The following CDH4 variants were observed in gnomAD, a reference collection of about 807,000 sequenced individuals.
CDH4 encodes the protein cadherin 4, also known as cadherin-4.
Under a neutral mutation model 86.0 loss-of-function variants are expected in CDH4, and 33 were observed. The ratio of observed to expected loss-of-function variants is 0.38; its 90% confidence interval spans 0.29 to 0.51. The LOEUF (loss-of-function observed/expected upper bound fraction) is 0.51, where lower values mean the gene tolerates loss of function less well. CDH4 is among the 20% of genes least tolerant of loss of function. CDH4 has a pLI of 0.86. For missense variants in CDH4, 1,114 were observed against 1,307.4 expected (o/e 0.85, Z 2.28); for synonymous variants, 555 against 549.4 (o/e 1.01, Z -0.14).
At chr20:61,791,720 G>A (rs958431191) in intron 4 of CDH4, among the ~76,000 whole-genome samples, 2 of 152,204 alleles carry the variant, frequency 1.3e-5, no homozygotes, top group Non-Finnish European at 1.5e-5. Flanking sequence ...TAGATGGGAC[G>A]TGCCAGCCAA....
At chr20:61,899,226 C>T (rs918720608) in intron 8 of CDH4, among the ~76,000 whole-genome samples, 2 of 151,626 alleles carry the variant, frequency 1.3e-5, no homozygotes, top group Non-Finnish European at 2.9e-5. Context: ...ACTGCTTGAA[C>T]CTGGGAGGTG....
chr20:61,367,947 T>C (rs1774743495), intron 2 of CDH4, among the ~76,000 whole-genome samples: 1 of 147,376 alleles, frequency 6.8e-6, no homozygotes, highest in African/African-American at 2.5e-5. Context: ...CTTGGCTCAC[T>C]GCAACCTCTG....
At chr20:61,827,190 C>G (rs1350456494) in intron 4 of CDH4, among the ~76,000 whole-genome samples, 1 of 151,954 alleles carries the variant, frequency 6.6e-6, no homozygotes, top group African/African-American at 2.4e-5. Flanking sequence ...ACAAAGCAAG[C>G]CCTGAAAATC....
chr20:61,406,028 T>C (rs73148268), intron 2 of CDH4, among the ~76,000 whole-genome samples: 6,912 of 152,316 alleles, frequency 0.045, 212 homozygotes, highest in Middle Eastern at 0.1. Flanking sequence ...CCTCTATAGA[T>C]CATAACTGTC....
intron 2 of CDH4, among the ~76,000 whole-genome samples, chr20:61,693,756 G>A (rs913238118): frequency 2.0e-5 from 3 of 152,174 alleles, no homozygotes; most frequent in African/African-American, 4.8e-5. Context: ...GAGCATGCAT[G>A]GAATCGAACA....
At chr20:61,649,053 C>A (rs1485819462) in intron 2 of CDH4, among the ~76,000 whole-genome samples, 1 of 152,198 alleles carries the variant, frequency 6.6e-6, no homozygotes, top group Non-Finnish European at 1.5e-5. Context: ...CGTTTATTTT[C>A]TAGTGATTTC....
chr20:61,499,316 C>T (rs867061599), intron 2 of CDH4: 6 of 505,258 alleles, frequency 1.2e-5, no homozygotes, highest in African/African-American at 8.0e-5. Flanking sequence ...TGGCCAGGTA[C>T]TTTCATCCCC....
rs762582004 is a variant in CDH4 at position 61,914,506 on chromosome 20, G to A, written c.1374+3899G>A. Among the ~76,000 whole-genome samples the A allele has an allele frequency of 7.8e-4, 117 of 149,120 alleles. 1 individual carries two copies. Among genetic ancestry groups the A allele is most frequent in the Non-Finnish European group, 6.5e-4 (44 of 67,976 alleles). ...TCTTCCCGGGTGCGGGCTCAGCCTC[G>A]GCAGAATAACCCTGGAATCAACGGA... On this transcript the variant is annotated intron_variant, in intron 9 of 15. Transcript: ENST00000614565.
chr20:61,814,877 C>A (rs1980634316), intron 4 of CDH4, among the ~76,000 whole-genome samples: 1 of 152,198 alleles, frequency 6.6e-6, no homozygotes, highest in African/African-American at 2.4e-5. Context: ...CTGCAAGGTG[C>A]TGAGGCCCAG....
chr20:61,640,577 AAAAT>A (rs1458737929), intron 2 of CDH4, among the ~76,000 whole-genome samples: 2 of 152,196 alleles, frequency 1.3e-5, no homozygotes, highest in African/African-American at 4.8e-5. Flanking sequence ...GAGACAGGTA[AAAAT>A]AAATCTGTAG....
rs575596500 is a variant in CDH4, at chr20:61,392,576, A to G, written c.169+137639A>G. ...GTAGTTTCAAAAGTTCATTAAACTC[A>G]AGAGATTAAATATTGCCCTGAGCAG... On this transcript the variant is annotated intron_variant, in intron 2 of 15. Transcript: ENST00000614565. The surrounding 1 kb of genome is among the most constrained non-coding windows in gnomAD (Gnocchi z 5.7). Among the ~76,000 whole-genome samples, 2 of 152,302 alleles carry G rather than the reference A, an allele frequency of 1.3e-5. No homozygotes were observed. Among genetic ancestry groups the G allele is most frequent in the East Asian group, 3.9e-4 (2 of 5,176 alleles).
intron 2 of CDH4, among the ~76,000 whole-genome samples, chr20:61,634,380 C>G (rs1165499447): frequency 6.6e-6 from 1 of 152,208 alleles, no homozygotes; most frequent in Non-Finnish European, 1.5e-5. Flanking sequence ...GGGTAGGTGC[C>G]TAACACCACG....
chr20:61,270,059 C>T (rs1334050952), intron 2 of CDH4, among the ~76,000 whole-genome samples: 1 of 152,170 alleles, frequency 6.6e-6, no homozygotes, highest in Non-Finnish European at 1.5e-5. Flanking sequence ...ATGGTCTTTA[C>T]ATTTCTTATG....
In CDH4 at chr20:61,614,025, G is replaced by A. The variant is rs1311552790; in HGVS notation, c.170-129538G>A. ...TGCAGAGGCAGGTGGGTGTATGAGA[G>A]GAGAGGTGGCAGGGACGGACGTGTG... On this transcript the variant is annotated intron_variant, in intron 2 of 15. Coordinates refer to ENST00000614565, the MANE Select transcript of CDH4 (RefSeq NM_001794.5). Among the ~76,000 whole-genome samples the A allele has an allele frequency of 2.0e-5, 3 of 152,146 alleles. 1 individual carries two copies. Among genetic ancestry groups the A allele is most frequent in the Admixed American group, 1.3e-4 (2 of 15,288 alleles).
intron 5 of CDH4, among the ~76,000 whole-genome samples, chr20:61,846,058 G>A (rs913931704): frequency 2.6e-5 from 4 of 152,234 alleles, no homozygotes; most frequent in East Asian, 3.9e-4. Context: ...GGAGAAGATC[G>A]GTTTTGCTGT....
At chr20:61,705,992 C>G (rs988204013) in intron 2 of CDH4, among the ~76,000 whole-genome samples, 2 of 152,218 alleles carry the variant, frequency 1.3e-5, no homozygotes, top group African/African-American at 2.4e-5. Context: ...ATTTCTCCCC[C>G]ACGGGTGCTG....
At chr20:61,376,823 C>T (rs1410846314) in intron 2 of CDH4, among the ~76,000 whole-genome samples, 2 of 152,206 alleles carry the variant, frequency 1.3e-5, no homozygotes, top group African/African-American at 4.8e-5. Flanking sequence ...GGCCGGTGGC[C>T]AAGATCATTG....
intron 2 of CDH4, among the ~76,000 whole-genome samples, chr20:61,677,482 G>T (rs1184624345): frequency 6.6e-6 from 1 of 152,174 alleles, no homozygotes; most frequent in African/African-American, 2.4e-5. Flanking sequence ...TCAATGTATA[G>T]ACCTGACGAT....
intron 2 of CDH4, among the ~76,000 whole-genome samples, chr20:61,618,111 C>T (rs144439974): frequency 8.5e-5 from 13 of 152,214 alleles, no homozygotes; most frequent in African/African-American, 1.9e-4. Flanking sequence ...TACCCAGTCT[C>T]GGGCAGGCCT....
Sources: gnomAD v4.1 joint callset for allele counts (sites outside exome capture counted in the v4.1 genomes callset) on GRCh38, gnomAD v4.1.1 for gene constraint, Gnocchi (gnomAD v3.1) non-coding constraint, MANE v1.5 for transcripts, NCBI Gene and HGNC (gene_info 2026-07-23, HGNC 2026-07-21) for gene names.